The following NCAPG2 variants were observed in gnomAD, a reference collection of about 807,000 sequenced individuals.
NCAPG2 encodes the protein condensin-2 complex subunit G2.
A neutral mutation model predicts 141.1 loss-of-function variants in NCAPG2; 53 were observed. That is an observed-to-expected ratio of 0.38 (90% CI 0.30 to 0.47). The LOEUF (loss-of-function observed/expected upper bound fraction) is 0.47. NCAPG2 is among the 20% of genes least tolerant of loss of function. NCAPG2 has a pLI of 0.99. For synonymous variants in NCAPG2, 499 were observed against 490.7 expected, an observed-to-expected ratio of 1.02 and a Z score of -0.22; for missense variants, 1,087 against 1,389.0, an observed-to-expected ratio of 0.78 and a Z score of 3.46.
At chr7:158,654,498 C>A (rs776583734) in intron 22 of NCAPG2, 97 bp downstream of exon 22, 1 of 1,200,668 alleles carries the variant, frequency 8.3e-7, no homozygotes, top group Non-Finnish European at 1.1e-6. Flanking sequence ...TATAATCAGT[C>A]ACTTAAAAGT....
chr7:158,633,185 G>A lies in NCAPG2; in HGVS notation c.3381-1468C>T, dbSNP rs1488162805. ...AATCACTGCTTCTCCTTGCTGTTAG[G>A]TCTCTCGGGCCTTTTCCCCCAAGTC... On this transcript the variant is annotated intron_variant, in intron 27 of 27. Coordinates refer to ENST00000356309, the MANE Select transcript of NCAPG2 (RefSeq NM_017760.7). The surrounding 1 kb of genome is among the most constrained non-coding windows in gnomAD (Gnocchi z 4.1). Among the ~76,000 whole-genome samples, 2 of 152,032 alleles carry A rather than the reference G, an allele frequency of 1.3e-5. No homozygotes were observed. Among genetic ancestry groups the A allele is most frequent in the African/African-American group, 2.4e-5 (1 of 41,362 alleles).
chr7:158,677,525 C>CAAAAAAAAAAAAAAAAAAAAAAAAA, intron 11 of NCAPG2, among the ~76,000 whole-genome samples: 9 of 90,406 alleles, frequency 1.0e-4, no homozygotes, highest in Non-Finnish European at 1.7e-4. Flanking sequence ...AAAAATAAAG[C>CAAAAAAAAAAAAAAAAAAAAAAAAA]AAAAAAAAAA....
intron 27 of NCAPG2, chr7:158,640,562 T>A (rs1189342327): frequency 6.6e-6 from 1 of 151,962 alleles, no homozygotes; most frequent in African/African-American, 2.4e-5. Context: ...TTAAATAAAG[T>A]ACAGAGAGAA....
intron 2 of NCAPG2, chr7:158,696,275 T>C (rs748319715): frequency 2.0e-5 from 3 of 152,190 alleles, no homozygotes. Flanking sequence ...CTGCACTTCT[T>C]ACATGACAAC....
At chr7:158,634,532 C>T (rs979244518) in intron 27 of NCAPG2, among the ~76,000 whole-genome samples, 1 of 152,124 alleles carries the variant, frequency 6.6e-6, no homozygotes, top group African/African-American at 2.4e-5. Flanking sequence ...ACGTGGAACC[C>T]ATGGATACGG....
At chr7:158,692,248 AGTG>A (rs1222326096) in intron 4 of NCAPG2, among the ~76,000 whole-genome samples, 4 of 152,204 alleles carry the variant, frequency 2.6e-5, no homozygotes, top group Non-Finnish European at 5.9e-5. Flanking sequence ...TCAGGGCTAC[AGTG>A]AGCTGGGTTC....
chr7:158,699,100 T>C (rs1808057283), intron 2 of NCAPG2, among the ~76,000 whole-genome samples: 1 of 152,196 alleles, frequency 6.6e-6, no homozygotes, highest in Admixed American at 6.5e-5. Context: ...TGCTTTATTA[T>C]TTCTCTATGT....
chr7:158,642,345 G>A (rs1221086729), intron 27 of NCAPG2, among the ~76,000 whole-genome samples: 2 of 152,082 alleles, frequency 1.3e-5, no homozygotes, highest in African/African-American at 4.8e-5. Flanking sequence ...GGACAGCTTG[G>A]GCAAACATAG....
chr7:158,656,455 C>T, intron 18 of NCAPG2, 22 bp from the exon 19 acceptor site: 3 of 1,611,470 alleles, frequency 1.9e-6, no homozygotes, highest in Non-Finnish European at 2.5e-6. Context: ...GAGAGAGAAA[C>T]TGATAATGAA....
chr7:158,666,564 G>A lies in NCAPG2; in HGVS notation c.1480-1814C>T, dbSNP rs538730356. The stretch of plus-strand genomic sequence containing the variant: ...ATAGCACTTTTATCTAGTCTGCCAC[G>A]CTGCCTTTCATTATCACACAAATGC... On this transcript the variant is annotated intron_variant, in intron 13 of 27. Transcript: ENST00000356309. Among the ~76,000 whole-genome samples, 3 of 151,190 alleles carry A rather than the reference G, an allele frequency of 2.0e-5. No homozygotes were observed. In the South Asian group the frequency reaches 6.3e-4, roughly 32 times the overall value.
At position 158,692,843 on chromosome 7, in the gene NCAPG2, A is replaced by G. The variant is rs766552957; in HGVS notation, c.381T>C (p.Asn127=). The G allele has an allele frequency of 1.5e-5, 23 of 1,516,114 alleles. No individual in the cohort carries two copies. Among genetic ancestry groups the G allele is most frequent in the African/African-American group, 5.5e-5 (4 of 72,242 alleles). 93.9% of individuals were successfully genotyped at this position (1,516,114 alleles called of 1,614,324 possible). ...EALLECVIIL[N]GILYALPESE... is the part of the protein sequence containing the mutation. ...CCATTTATAACAAAATCAACTCACC[A>G]TTTAATATAATAACACATTCCAGTA... The change falls in exon 4 of 28, where the codon AAT becomes AAC. Residue 127 remains asparagine, a splice_region_variant and synonymous_variant. Transcript: ENST00000356309.
At chr7:158,645,464 G>T in intron 26 of NCAPG2, 55 bp downstream of exon 26, 1 of 1,490,450 alleles carries the variant, frequency 6.7e-7, no homozygotes, top group Non-Finnish European at 9.4e-7. Flanking sequence ...TCCCATGACA[G>T]CACCTGTGAG....
chr7:158,675,804 G>T, intron 11 of NCAPG2, 148 bp from the exon 12 acceptor site: 2 of 821,216 alleles, frequency 2.4e-6, no homozygotes, highest in Non-Finnish European at 3.7e-6. Flanking sequence ...CTAGACCTGA[G>T]ATTACTTGCT....
At position 158,687,238 on chromosome 7, in the gene NCAPG2, G is replaced by GC. The variant is rs543558177; in HGVS notation, c.767+109_767+110insG. 5.4e-3 allele frequency: 3,463 copies of GC among 639,438 alleles called. 142 individuals are homozygous for GC. The East Asian group carries it at 0.086, about 16-fold the overall frequency. 39.6% of individuals were successfully genotyped at this position (639,438 alleles called of 1,614,324 possible). A position where few individuals can be genotyped will look rare whatever the true frequency, so the allele number is the denominator to read the frequency against. The stretch of plus-strand genomic sequence containing the variant: ...GATCCAATGGTACATAATAAATAAC[G>GC]TATTTCTAAAGCTTCTAATCCATTA... On this transcript the variant is annotated intron_variant, in intron 7 of 27. Coordinates refer to ENST00000356309, the MANE Select transcript of NCAPG2 (RefSeq NM_017760.7).
chr7:158,664,940 TA>T (rs1832804314), intron 13 of NCAPG2, 190 bp from the exon 14 acceptor site: 1 of 572,956 alleles, frequency 1.7e-6, no homozygotes, highest in Non-Finnish European at 3.0e-6. Flanking sequence ...TCTATATTTT[TA>T]AAAGTACTGT....
intron 11 of NCAPG2, among the ~76,000 whole-genome samples, chr7:158,676,686 GTTA>G (rs1450230329): frequency 6.6e-6 from 1 of 152,122 alleles, no homozygotes; most frequent in Non-Finnish European, 1.5e-5. Flanking sequence ...GCACACAGGG[GTTA>G]TTACTCCAGT....
At chr7:158,642,257 G>T (rs1563494821) in intron 27 of NCAPG2, among the ~76,000 whole-genome samples, 1 of 152,164 alleles carries the variant, frequency 6.6e-6, no homozygotes, top group Non-Finnish European at 1.5e-5. Context: ...TGATGGAAAG[G>T]CCAAACATGG....
intron 10 of NCAPG2, among the ~76,000 whole-genome samples, 192 bp downstream of exon 10, chr7:158,680,529 C>T (rs958798855): frequency 6.6e-6 from 1 of 152,178 alleles, no homozygotes; most frequent in Non-Finnish European, 1.5e-5. Context: ...CTAAACCAAT[C>T]CAGATTTCCA....
At chr7:158,644,186 C>G in intron 27 of NCAPG2, 103 bp downstream of exon 27, 1 of 951,132 alleles carries the variant, frequency 1.1e-6, no homozygotes, top group Non-Finnish European at 1.7e-6. Context: ...AGTCTCCTAA[C>G]CACCTGGGTG....
Sources: allele counts gnomAD v4.1 joint callset (sites outside exome capture counted in the v4.1 genomes callset), GRCh38; gene constraint gnomAD v4.1.1; non-coding constraint Gnocchi (gnomAD v3.1); transcripts MANE v1.5; gene names NCBI Gene and HGNC (gene_info 2026-07-23, HGNC 2026-07-21).